The following ZNF18 variants were observed in gnomAD, a reference collection of about 807,000 sequenced individuals.
ZNF18 encodes zinc finger protein 18, also known as heart development-specific gene 1 protein.
In ZNF18, 42 loss-of-function variants were observed where a neutral mutation model predicts 58.1. The ratio of observed to expected loss-of-function variants is 0.72; its 90% CI spans 0.56 to 0.93. The LOEUF (loss-of-function observed/expected upper bound fraction) is 0.93, where lower values mean the gene tolerates loss of function less well. ZNF18 is among the 40% of genes least tolerant of loss of function. The pLI is 0.00. For missense variants in ZNF18, 540 were observed against 644.2 expected (o/e 0.84, Z 1.75); for synonymous variants, 231 against 239.8 (o/e 0.96, Z 0.34).
At chr17:12,002,670 A>G in the ZNF18 span, among the ~76,000 whole-genome samples, 1 of 152,212 alleles carries the variant, frequency 6.6e-6, no homozygotes, top group East Asian at 1.9e-4. Context: ...GGCTAACAGG[A>G]CAAGCTGTTC....
chr17:12,018,396 T>C, the ZNF18 span, among the ~76,000 whole-genome samples: 4 of 152,228 alleles, frequency 2.6e-5, no homozygotes, highest in Admixed American at 6.5e-5. Flanking sequence ...GCAGAGTTGG[T>C]GTCTTTTGAG....
the ZNF18 span, among the ~76,000 whole-genome samples, chr17:12,009,464 T>A: frequency 6.6e-6 from 1 of 151,426 alleles, no homozygotes; most frequent in Non-Finnish European, 1.5e-5. Context: ...TTTCTTTTTC[T>A]TTTTTCGAGA....
intron 6 of ZNF18, among the ~76,000 whole-genome samples, chr17:11,980,071 T>C (rs1285179817): frequency 6.6e-6 from 1 of 152,198 alleles, no homozygotes; most frequent in African/African-American, 2.4e-5. Context: ...GTAGAATTAC[T>C]GTGTCAACGG....
chr17:12,021,148 CCCGCTCCCGG>C, the ZNF18 span: 2 of 434,192 alleles, frequency 4.6e-6, no homozygotes, highest in African/African-American at 2.1e-5. Context: ...GGCTTCCCGC[CCCGCTCCCGG>C]CCGCCTCCGG....
rs767592506 is a variant in ZNF18 at position 11,977,553 on chromosome 17, C to T, written c.*404G>A. The T allele has an allele frequency of 2.4e-5, 4 of 164,926 alleles. No homozygotes were observed. The highest frequency in any genetic ancestry group is 3.9e-5 in the Non-Finnish European group (3 of 76,062). 10.2% of individuals were successfully genotyped at this position (164,926 alleles called of 1,614,324 possible). A position where few individuals can be genotyped will look rare whatever the true frequency, so the allele number is the denominator to read the frequency against. ...CTCACAGGCCCTCTATGCTTCTCCC[C>T]TTCTGGAACAGAAGACCTGCTCTAG... On this transcript the variant is annotated 3_prime_UTR_variant, in exon 7 of 7. Transcript: ENST00000580306.
the ZNF18 span, among the ~76,000 whole-genome samples, chr17:12,019,294 ATGTGTGTGTGTGTGTGTG>A: frequency 1.9e-3 from 276 of 145,452 alleles, 1 homozygote; most frequent in African/African-American, 6.3e-3. Context: ...ATAATATTGG[ATGTGTGTGTGTGTGTGTG>A]TGTGTGTGTG....
At chr17:12,017,260 C>T in the ZNF18 span, among the ~76,000 whole-genome samples, 2 of 152,084 alleles carry the variant, frequency 1.3e-5, no homozygotes, top group African/African-American at 4.8e-5. Context: ...TCTTTAATGG[C>T]ATGAACTGGT....
Position 11,978,248 on chromosome 17 carries a change from C to G in ZNF18, c.1359G>C (p.Lys453Asn). ...KAFLRSSDFV[K>N]HQRTHTGEKP... ...TCTCTCCCGTGTGAGTTCTCTGATG[C>G]TTCACAAAGTCTGAACTCCGCAGAA... Residue 453 changes from lysine to asparagine, a missense_variant, in exon 7 of 7, where the codon AAG (lysine) becomes AAC (asparagine). Lys to Asn is a moderately conservative substitution (Grantham distance 94, BLOSUM62 0). Transcript: ENST00000580306. 1 of 1,613,210 alleles carries G rather than the reference C, an allele frequency of 6.2e-7. No homozygotes were observed. The highest frequency in any genetic ancestry group is 8.5e-7 in the Non-Finnish European group (1 of 1,179,662).
the ZNF18 span, among the ~76,000 whole-genome samples, chr17:12,013,391 A>T: frequency 6.6e-6 from 1 of 152,142 alleles, no homozygotes; most frequent in African/African-American, 2.4e-5. Flanking sequence ...TCATCTTTTG[A>T]CTTGTGTCGT....
the ZNF18 span, among the ~76,000 whole-genome samples, chr17:12,013,571 C>G: frequency 7.2e-5 from 11 of 152,166 alleles, no homozygotes; most frequent in Non-Finnish European, 1.5e-4. Flanking sequence ...TTTAATTATA[C>G]TATATTCTCA....
At chr17:12,016,134 A>G in the ZNF18 span, among the ~76,000 whole-genome samples, 1 of 152,280 alleles carries the variant, frequency 6.6e-6, no homozygotes, top group East Asian at 1.9e-4. Context: ...AAATTTACAT[A>G]CAATGAAATG....
At chr17:11,996,117 A>G (rs911358454) in intron 1 of ZNF18, among the ~76,000 whole-genome samples, 1 of 152,332 alleles carries the variant, frequency 6.6e-6, no homozygotes, top group Non-Finnish European at 1.5e-5. Context: ...CTCTTAACCC[A>G]TAGTCAAAGA....
chr17:11,992,360 G>A, intron 2 of ZNF18, 83 bp downstream of exon 2: 1 of 1,512,266 alleles, frequency 6.6e-7, no homozygotes, highest in South Asian at 1.3e-5. Context: ...GTCATAAGTG[G>A]TATCAGAAAA....
the ZNF18 span, among the ~76,000 whole-genome samples, chr17:12,014,997 G>T: frequency 6.6e-6 from 1 of 151,978 alleles, no homozygotes; most frequent in Non-Finnish European, 1.5e-5. Flanking sequence ...GCAGTGAGCC[G>T]AGATCAAGCC....
At chr17:11,987,549 G>A (rs980008231) in intron 4 of ZNF18, among the ~76,000 whole-genome samples, 1 of 152,184 alleles carries the variant, frequency 6.6e-6, no homozygotes, top group Non-Finnish European at 1.5e-5. Context: ...GTTATCATCT[G>A]AAGGTAGGGA....
the ZNF18 span, among the ~76,000 whole-genome samples, chr17:12,019,554 C>A: frequency 6.6e-6 from 1 of 152,030 alleles, no homozygotes; most frequent in African/African-American, 2.4e-5. Flanking sequence ...GCCAACGAGG[C>A]CCATGGAGGA....
At chr17:12,008,603 A>G in the ZNF18 span, among the ~76,000 whole-genome samples, 17 of 152,202 alleles carry the variant, frequency 1.1e-4, no homozygotes, top group Admixed American at 1.1e-3. Flanking sequence ...CAGAAGGCAG[A>G]GGAGTCAAGG....
chr17:11,981,436 C>T (rs1967339640), intron 6 of ZNF18, among the ~76,000 whole-genome samples: 1 of 151,260 alleles, frequency 6.6e-6, no homozygotes, highest in Admixed American at 6.6e-5. Flanking sequence ...TCTCCTGCCT[C>T]AGCCTCCCAA....
the ZNF18 span, among the ~76,000 whole-genome samples, chr17:12,011,619 C>T: frequency 6.6e-6 from 1 of 151,604 alleles, no homozygotes; most frequent in African/African-American, 2.4e-5. Flanking sequence ...CTCCTGACCT[C>T]ATGATCTGCC....
Sources: allele counts gnomAD v4.1 joint callset (sites outside exome capture counted in the v4.1 genomes callset), GRCh38; gene constraint gnomAD v4.1.1; transcripts MANE v1.5; gene names NCBI Gene and HGNC (gene_info 2026-07-23, HGNC 2026-07-21).